Variants in LOXL2 observed in about 807,000 individuals in gnomAD.
LOXL2 encodes lysyl oxidase like 2.
Under a neutral mutation model 93.0 loss-of-function variants are expected in LOXL2, and 70 were observed. That is an observed-to-expected ratio of 0.75 (90% CI 0.62 to 0.92). LOXL2 has a LOEUF of 0.92. LOXL2 is among the 40% of genes least tolerant of loss of function. The pLI, the probability that LOXL2 is intolerant of heterozygous loss-of-function variation, is 0.00. For synonymous variants in LOXL2, 438 were observed against 413.2 expected, an observed-to-expected ratio of 1.06 and a Z score of -0.73; for missense variants, 973 against 1,054.9, an observed-to-expected ratio of 0.92 and a Z score of 1.08.
At chr8:23,308,970 G>GAA (rs1280513227) in intron 10 of LOXL2, among the ~76,000 whole-genome samples, 1 of 149,338 alleles carries the variant, frequency 6.7e-6, no homozygotes, top group Non-Finnish European at 1.5e-5. Context: ...CCAGTACGTG[G>GAA]AATATATATA....
At chr8:23,330,255 A>G (rs1276333576) in intron 5 of LOXL2, among the ~76,000 whole-genome samples, 1 of 152,162 alleles carries the variant, frequency 6.6e-6, no homozygotes, top group Non-Finnish European at 1.5e-5. Context: ...AATGGCGTGA[A>G]CCCGGGAGGC....
intron 5 of LOXL2, among the ~76,000 whole-genome samples, chr8:23,330,358 C>CAAAAT (rs980293729): frequency 9.8e-6 from 1 of 101,664 alleles, no homozygotes. Flanking sequence ...CAAAACAAAA[C>CAAAAT]AAAATAAAAC....
chr8:23,382,105 A>C (rs183672260), intron 1 of LOXL2, among the ~76,000 whole-genome samples: 1 of 152,232 alleles, frequency 6.6e-6, no homozygotes, highest in Non-Finnish European at 1.5e-5. Context: ...GAGCACAGGC[A>C]GAAGTTCTGA....
At chr8:23,304,107 T>A (rs968229938) in intron 10 of LOXL2, among the ~76,000 whole-genome samples, 2 of 152,146 alleles carry the variant, frequency 1.3e-5, no homozygotes, top group Admixed American at 6.5e-5. Flanking sequence ...AGGGAGACAC[T>A]GACTCATCCT....
intron 3 of LOXL2, 45 bp from the exon 4 acceptor site, chr8:23,341,248 T>A (rs1346928517): frequency 6.7e-7 from 1 of 1,500,780 alleles, no homozygotes; most frequent in Non-Finnish European, 9.3e-7. Flanking sequence ...CCTACTGGCC[T>A]GGCTGCAGAG....
chr8:23,319,891 G>A lies in LOXL2; in HGVS notation c.1464C>T (p.Ala488=), dbSNP rs1803466310. The part of the protein sequence containing the change: ...RQLGLGFASN[A]FQETWYWHGD... ...TGAGGCCGGGGCTTCTCACCTGGAA[G>A]GCGTTGCTGGCGAATCCCAGGCCCA... The change falls in exon 8 of 14, where the codon GCC becomes GCT. Residue 488 remains alanine (A), a synonymous_variant. Coordinates refer to ENST00000389131, the MANE Select transcript of LOXL2 (RefSeq NM_002318.3). The A allele has an allele frequency of 1.9e-6, 3 of 1,613,470 alleles. No homozygotes were observed. Among genetic ancestry groups the A allele is most frequent in the Non-Finnish European group, 2.5e-6 (3 of 1,179,892 alleles).
chr8:23,372,203 A>G (rs1446887074), intron 1 of LOXL2, among the ~76,000 whole-genome samples: 1 of 146,776 alleles, frequency 6.8e-6, no homozygotes, highest in East Asian at 2.0e-4. Flanking sequence ...AAAACAATTC[A>G]GCTTTACATT....
chr8:23,300,437 T>G (rs1803111057), intron 12 of LOXL2, among the ~76,000 whole-genome samples: 1 of 152,208 alleles, frequency 6.6e-6, no homozygotes, highest in Non-Finnish European at 1.5e-5. Context: ...TCCCTCTGCG[T>G]GGACGGTCAC....
chr8:23,328,739 GT>G (rs1440222490), intron 5 of LOXL2, 174 bp from the exon 6 acceptor site: 1 of 630,860 alleles, frequency 1.6e-6, no homozygotes, highest in East Asian at 2.8e-5. Context: ...GTGTGTGTGT[GT>G]GTGTGTCGTG....
chr8:23,371,814 G>C (rs369992226), intron 1 of LOXL2, among the ~76,000 whole-genome samples: 2 of 147,888 alleles, frequency 1.4e-5, no homozygotes, highest in East Asian at 4.0e-4. Flanking sequence ...CGAAAGGCAG[G>C]AAGGCATTAA....
intron 7 of LOXL2, 79 bp from the exon 8 acceptor site, chr8:23,320,131 C>T: frequency 1.4e-5 from 20 of 1,473,464 alleles, no homozygotes; most frequent in Admixed American, 3.6e-5. Flanking sequence ...GCCCCAGTGT[C>T]CTGGAGTCCT....
Position 23,297,720 on chromosome 8 carries a change from G to GGTCGCCGTA in LOXL2, c.*322_*323insTACGGCGAC. The GGTCGCCGTA allele has an allele frequency of 1.1e-5, 3 of 266,678 alleles. No individual in the cohort carries two copies. The highest frequency in any genetic ancestry group is 2.1e-5 in the Non-Finnish European group (3 of 139,590). The allele number at this position is 266,678 out of a possible 1,614,324, so 16.5% of individuals were successfully genotyped here. On this transcript the variant is annotated 3_prime_UTR_variant, in exon 14 of 14. Transcript: ENST00000389131. Reference sequence around the variant, plus strand: ...CCACTGTGTCTGTGGTGAGCTCGGTGGCTTGAATGGGACAAGCTGATGACA... The same window carrying GGTCGCCGTA: ...CCACTGTGTCTGTGGTGAGCTCGGTGGTCGCCGTAGCTTGAATGGGACAAGCTGATGACA...
At chr8:23,367,756 A>C (rs1022291258) in intron 2 of LOXL2, among the ~76,000 whole-genome samples, 1 of 152,216 alleles carries the variant, frequency 6.6e-6, no homozygotes, top group Non-Finnish European at 1.5e-5. Context: ...TAAAGCCAGG[A>C]AAGTCTTGGG....
chr8:23,385,924 C>T, intron 1 of LOXL2: 1 of 765,008 alleles, frequency 1.3e-6, no homozygotes, highest in East Asian at 2.4e-5. Context: ...GTTTGCAGCG[C>T]ATCTCAATTC....
intron 1 of LOXL2, among the ~76,000 whole-genome samples, chr8:23,388,639 AC>A (rs1446489407): frequency 2.2e-5 from 2 of 90,748 alleles, no homozygotes; most frequent in Admixed American, 1.2e-4. Context: ...ACACACACAC[AC>A]ACACACACAC....
intron 4 of LOXL2, among the ~76,000 whole-genome samples, chr8:23,340,101 C>T (rs1481304659): frequency 6.6e-6 from 1 of 152,204 alleles, no homozygotes; most frequent in Non-Finnish European, 1.5e-5. Context: ...TAGCTGGACA[C>T]AGGGGACCTC....
chr8:23,358,518 C>T (rs1188188209), intron 3 of LOXL2, among the ~76,000 whole-genome samples: 1 of 152,232 alleles, frequency 6.6e-6, no homozygotes, highest in Non-Finnish European at 1.5e-5. Flanking sequence ...GTTCCTTGGT[C>T]TGGATTTGGG....
chr8:23,362,327 G>T (rs1804308619), intron 2 of LOXL2, among the ~76,000 whole-genome samples: 1 of 152,214 alleles, frequency 6.6e-6, no homozygotes, highest in Non-Finnish European at 1.5e-5. Flanking sequence ...AGAAAGAAAT[G>T]GAGGTGGTTG....
intron 1 of LOXL2, among the ~76,000 whole-genome samples, chr8:23,399,056 C>A (rs1308719195): frequency 2.0e-5 from 3 of 152,224 alleles, no homozygotes; most frequent in Non-Finnish European, 4.4e-5. Flanking sequence ...AGAGACTCAG[C>A]TGTGTGTTGC....
Sources: gnomAD v4.1 joint callset for allele counts (sites outside exome capture counted in the v4.1 genomes callset) on GRCh38, gnomAD v4.1.1 for gene constraint, MANE v1.5 for transcripts, NCBI Gene and HGNC (gene_info 2026-07-23, HGNC 2026-07-21) for gene names.